The following SLF2 variants were observed in gnomAD, a reference collection of about 807,000 sequenced individuals.
The protein encoded by SLF2 is SMC5-SMC6 complex localization factor protein 2.
SLF2 carries 68 observed loss-of-function variants against 124.3 expected under a neutral mutation model. The ratio of observed to expected loss-of-function variants is 0.55; its 90% CI spans 0.45 to 0.67. The LOEUF is 0.67. Ranked by LOEUF, SLF2 falls within the 30% of genes least tolerant of loss-of-function variation. The probability of loss-of-function intolerance (pLI) is 0.00; values close to 1 mark genes in which losing one functional copy is unlikely to be tolerated. For missense variants in SLF2, 1,246 were observed against 1,373.7 expected, an observed-to-expected ratio of 0.91 and a Z score of 1.47; for synonymous variants, 480 against 478.8, an observed-to-expected ratio of 1.00 and a Z score of -0.03.
chr10:100,927,681 C>A (rs113681638), intron 6 of SLF2, among the ~76,000 whole-genome samples: 6 of 152,196 alleles, frequency 3.9e-5, no homozygotes, highest in Non-Finnish European at 8.8e-5. Context: ...TCCACAATGG[C>A]TGCACCATTG....
At chr10:100,933,073 G>C (rs904422338) in intron 9 of SLF2, among the ~76,000 whole-genome samples, 1 of 152,070 alleles carries the variant, frequency 6.6e-6, no homozygotes, top group Middle Eastern at 3.2e-3. Context: ...CTGTACTCCA[G>C]CCTGGGGAAC....
chr10:100,912,995 A>C lies in SLF2; in HGVS notation c.-116A>C. On this transcript the variant is annotated 5_prime_UTR_variant, in exon 1 of 20. Transcript: ENST00000238961. ...AAGAGAGAACCGCCATGAAGAGAGA[A>C]GGGGGTGCCGCCCACCTCTGCTCCG... 8.8e-7 allele frequency: 1 copy of C among 1,135,822 alleles called. No individual in the cohort carries two copies. The highest frequency in any genetic ancestry group is 2.5e-5 in the East Asian group (1 of 39,856). The allele number at this position is 1,135,822 out of a possible 1,614,324, so 70.4% of individuals were successfully genotyped here.
chr10:100,938,714 G>T lies in SLF2; in HGVS notation c.2632G>T (p.Asp878Tyr). Residue 878 changes from aspartate to tyrosine, a missense_variant, in exon 11 of 20, where the codon GAC (aspartate) becomes TAC (tyrosine). By Grantham distance (160) the Asp-to-Tyr change is radical (BLOSUM62 -3). Around this residue, in one of 3 missense-constraint regions of SLF2, gnomAD observed 535 missense variants for 632.8 expected, o/e 0.85. Coordinates refer to ENST00000238961, the MANE Select transcript of SLF2 (RefSeq NM_018121.4). The part of the protein sequence containing the change: ...SLFPLENLQP[D>Y]FNEDYLVSET... ...GTTTCCCCTGGAGAATCTTCAGCCA[G>T]ACTTTAATGAAGACTATCTAGTGTA... The T allele has an allele frequency of 6.2e-7, 1 of 1,611,944 alleles. No individual in the cohort carries two copies. Among genetic ancestry groups the T allele is most frequent in the Non-Finnish European group, 8.5e-7 (1 of 1,179,366 alleles).
chr10:100,916,008 A>T lies in SLF2; in HGVS notation c.150A>T (p.Ser50=), dbSNP rs1158833558. ...RTESPGDRKQ[S]IIDFFKPASK... is the part of the protein sequence containing the mutation. ...ATGCTTTTATTTTCAGGAAGCAGTC[A>T]ATTATAGATTTCTTCAAACCAGCTT... Residue 50 remains serine, a synonymous_variant, in exon 2 of 20, where the codon TCA becomes TCT. Transcript: ENST00000238961. The T allele has an allele frequency of 1.2e-6, 2 of 1,610,808 alleles. No homozygotes were observed. Among genetic ancestry groups the T allele is most frequent in the Non-Finnish European group, 1.7e-6 (2 of 1,178,012 alleles).
At chr10:100,952,462 G>C (rs1315000166) in intron 17 of SLF2, among the ~76,000 whole-genome samples, 4 of 150,886 alleles carry the variant, frequency 2.7e-5, no homozygotes, top group African/African-American at 9.8e-5. Flanking sequence ...CAGGAGAACT[G>C]CCTGAACCCA....
intron 4 of SLF2, among the ~76,000 whole-genome samples, chr10:100,918,705 C>A (rs1294365717): frequency 3.3e-5 from 5 of 152,130 alleles, no homozygotes; most frequent in African/African-American, 1.2e-4. Context: ...CAACTGCAAG[C>A]CTTGACCTCC....
intron 12 of SLF2, among the ~76,000 whole-genome samples, chr10:100,944,478 G>A (rs1431135431): frequency 2.4e-5 from 3 of 124,840 alleles, no homozygotes; most frequent in African/African-American, 9.1e-5. Context: ...CTGGGCAACA[G>A]AGCAAGACTC....
At chr10:100,932,038 T>A (rs1275400222) in intron 9 of SLF2, among the ~76,000 whole-genome samples, 1 of 152,098 alleles carries the variant, frequency 6.6e-6, no homozygotes, top group African/African-American at 2.4e-5. Flanking sequence ...TGGGGCTTTT[T>A]CCAGTATAAA....
In SLF2 at chr10:100,959,413, T is replaced by C; in HGVS notation, c.3418-15T>C. 2 of 1,598,716 alleles carry C rather than the reference T, an allele frequency of 1.3e-6. No homozygotes were observed. Among genetic ancestry groups the C allele is most frequent in the Non-Finnish European group, 1.7e-6 (2 of 1,174,934 alleles). On this transcript the variant is annotated splice_polypyrimidine_tract_variant and intron_variant, in intron 18 of 19. Transcript: ENST00000238961. ...TTTTAATCTGATCCCTTTTCCTGTT[T>C]TTGATATTTTTAAGGTGAAAGACTT...
intron 2 of SLF2, 56 bp from the exon 3 acceptor site, chr10:100,916,514 A>T (rs1381718005): frequency 1.7e-6 from 2 of 1,201,646 alleles, no homozygotes; most frequent in Non-Finnish European, 2.1e-6. Context: ...TAATTTAGAT[A>T]AATATTAAAT....
In SLF2 at chr10:100,964,599, C is replaced by T. The variant is rs2133843079; in HGVS notation, c.*2687C>T. The T allele has an allele frequency of 6.5e-6, 1 of 152,736 alleles. No individual in the cohort carries two copies. The highest frequency in any genetic ancestry group is 2.4e-5 in the African/African-American group (1 of 41,556). 9.5% of individuals were successfully genotyped at this position (152,736 alleles called of 1,614,324 possible). On this transcript the variant is annotated 3_prime_UTR_variant, in exon 20 of 20. Transcript: ENST00000238961. The stretch of plus-strand genomic sequence containing the variant: ...TTCTGCTTTCAAGCGCAAATAGTAG[C>T]TTGCTTTCAGCTTCACAAAAATCTC...
Position 100,929,843 on chromosome 10 carries a change from A to G in SLF2, c.2179A>G (p.Lys727Glu). Residue 727 changes from lysine to glutamate, a missense_variant, in exon 8 of 20, where the codon AAA becomes GAA. Physicochemically the swap from Lys to Glu is moderately conservative, Grantham distance 56. Around this residue, in one of 3 missense-constraint regions of SLF2, gnomAD observed 535 missense variants for 632.8 expected, o/e 0.85. Coordinates refer to ENST00000238961, the MANE Select transcript of SLF2 (RefSeq NM_018121.4). ...LLEEHKEFLK[K>E]FSVTIDAIPD... is the part of the protein sequence containing the mutation. The stretch of plus-strand genomic sequence containing the variant: ...TTTATGTTTCAGGGAATTTCTAAAG[A>G]AATTTTCAGTTACAATTGATGCTAT... 1.3e-6 allele frequency: 2 copies of G among 1,580,488 alleles called. No individual in the cohort carries two copies. Among genetic ancestry groups the G allele is most frequent in the Non-Finnish European group, 1.7e-6 (2 of 1,169,258 alleles).
chr10:100,955,231 C>T (rs1456042588), intron 17 of SLF2, among the ~76,000 whole-genome samples: 1 of 151,468 alleles, frequency 6.6e-6, no homozygotes, highest in Non-Finnish European at 1.5e-5. Flanking sequence ...TGAGCTACCT[C>T]GCCCGGCTGA....
chr10:100,940,809 C>T (rs1849960242), intron 11 of SLF2, among the ~76,000 whole-genome samples: 3 of 104,774 alleles, frequency 2.9e-5, no homozygotes, highest in East Asian at 2.3e-4. Context: ...CTCCCCCTGC[C>T]CCTGCCCCTT....
chr10:100,935,370 G>T (rs559022581), intron 9 of SLF2, among the ~76,000 whole-genome samples: 3 of 152,060 alleles, frequency 2.0e-5, no homozygotes, highest in Admixed American at 6.6e-5. Flanking sequence ...ACTCCAGCCT[G>T]GGTGACAGTG....
chr10:100,946,317 G>C (rs904218759), intron 13 of SLF2, among the ~76,000 whole-genome samples: 8 of 146,486 alleles, frequency 5.5e-5, no homozygotes, highest in African/African-American at 2.0e-4. Context: ...TATTTTGGGG[G>C]TGTTAGGCTT....
intron 16 of SLF2, 142 bp from the exon 17 acceptor site, chr10:100,950,534 T>C (rs915570133): frequency 2.9e-6 from 2 of 699,546 alleles, no homozygotes; most frequent in Non-Finnish European, 2.4e-6. Context: ...CTAGTTTAGA[T>C]GCTTCGCTTT....
intron 18 of SLF2, among the ~76,000 whole-genome samples, chr10:100,957,370 G>A (rs1243885861): frequency 1.1e-5 from 1 of 89,068 alleles, no homozygotes; most frequent in South Asian, 4.3e-4. Flanking sequence ...TTTTTTTTGA[G>A]ATGGAGTTTC....
chr10:100,937,618 GTTTT>G, intron 10 of SLF2, 141 bp downstream of exon 10: 1 of 535,192 alleles, frequency 1.9e-6, no homozygotes, highest in South Asian at 2.4e-5. Flanking sequence ...GTTTTTTTTG[GTTTT>G]TTTTTTGAGA....
Sources: gnomAD v4.1 joint callset for allele counts (sites outside exome capture counted in the v4.1 genomes callset) on GRCh38, gnomAD v4.1.1 for gene constraint, gnomAD v4.1.1 regional missense constraint, MANE v1.5 for transcripts, NCBI Gene and HGNC (gene_info 2026-07-23, HGNC 2026-07-21) for gene names.